The following PDE3A variants were observed in gnomAD, a reference collection of about 807,000 sequenced individuals.
PDE3A encodes cGMP-inhibited 3',5'-cyclic phosphodiesterase 3A.
PDE3A carries 43 observed loss-of-function variants against 98.3 expected under a neutral mutation model. The observed-to-expected ratio is 0.44, with a 90% confidence interval of 0.34 to 0.56. The LOEUF (loss-of-function observed/expected upper bound fraction) is 0.56, where lower values mean the gene tolerates loss of function less well. Among genes scored for constraint, PDE3A ranks in the 20% least tolerant of loss-of-function variants. PDE3A has a pLI of 0.01. For synonymous variants in PDE3A, 663 were observed against 567.9 expected, an observed-to-expected ratio of 1.17 and a Z score of -2.38; for missense variants, 1,427 against 1,440.7, an observed-to-expected ratio of 0.99 and a Z score of 0.15.
At chr12:20,410,278 G>A (rs142785003) in intron 1 of PDE3A, among the ~76,000 whole-genome samples, 2 of 152,150 alleles carry the variant, frequency 1.3e-5, no homozygotes, top group Non-Finnish European at 2.9e-5. Flanking sequence ...TCAATTGTAC[G>A]TCCCCAAGCT....
intron 1 of PDE3A, among the ~76,000 whole-genome samples, chr12:20,509,703 G>A (rs902932485): frequency 6.6e-6 from 1 of 151,908 alleles, no homozygotes; most frequent in Non-Finnish European, 1.5e-5. Context: ...ATATTTTAAT[G>A]TTTTCCTTCC....
At chr12:20,457,839 C>T (rs532921556) in intron 1 of PDE3A, among the ~76,000 whole-genome samples, 10 of 151,956 alleles carry the variant, frequency 6.6e-5, no homozygotes, top group African/African-American at 1.9e-4. Context: ...AATTAATTAA[C>T]GTGTCACATA....
chr12:20,666,363 A>G (rs1945311981), intron 15 of PDE3A, among the ~76,000 whole-genome samples: 1 of 152,154 alleles, frequency 6.6e-6, no homozygotes, highest in Non-Finnish European at 1.5e-5. Context: ...TCTGCTATCG[A>G]AGAACTTATT....
intron 1 of PDE3A, among the ~76,000 whole-genome samples, chr12:20,386,112 AAT>A (rs35742238): frequency 4.3e-5 from 1 of 23,236 alleles, no homozygotes; most frequent in African/African-American, 1.2e-4. Flanking sequence ...TATATATATA[AAT>A]ATATATAAAT....
chr12:20,402,821 G>C (rs1019132685), intron 1 of PDE3A, among the ~76,000 whole-genome samples: 3 of 152,082 alleles, frequency 2.0e-5, no homozygotes, highest in Non-Finnish European at 4.4e-5. Flanking sequence ...CCCTTCAGAG[G>C]CACAGGATTA....
intron 1 of PDE3A, among the ~76,000 whole-genome samples, chr12:20,466,895 T>C (rs1945349016): frequency 6.6e-6 from 1 of 152,236 alleles, no homozygotes; most frequent in South Asian, 2.1e-4. Context: ...ATCTTCAGTG[T>C]GTGCTTAAGT....
At chr12:20,517,470 G>GT (rs2121137617) in intron 1 of PDE3A, among the ~76,000 whole-genome samples, 1 of 152,238 alleles carries the variant, frequency 6.6e-6, no homozygotes, top group Non-Finnish European at 1.5e-5. Flanking sequence ...TATTCAGAAT[G>GT]TTTTTTCTCC....
chr12:20,422,092 A>G (rs1944523104), intron 1 of PDE3A, among the ~76,000 whole-genome samples: 1 of 152,210 alleles, frequency 6.6e-6, no homozygotes, highest in African/African-American at 2.4e-5. Flanking sequence ...CACGCCTGTA[A>G]TCCTAGCACT....
intron 1 of PDE3A, among the ~76,000 whole-genome samples, chr12:20,466,760 A>G (rs545088002): frequency 2.8e-4 from 42 of 152,328 alleles, no homozygotes; most frequent in African/African-American, 9.9e-4. Flanking sequence ...TGTGTGTGAT[A>G]GACGAAGTTT....
chr12:20,654,252 TCTTA>T (rs759476285), intron 15 of PDE3A, 47 bp downstream of exon 15: 318 of 1,571,956 alleles, frequency 2.0e-4, no homozygotes, highest in Non-Finnish European at 2.6e-4. Context: ...GGGATTGCTT[TCTTA>T]CTTTAGATGA....
At chr12:20,678,934 C>G in intron 15 of PDE3A, among the ~76,000 whole-genome samples, 1 of 151,552 alleles carries the variant, frequency 6.6e-6, no homozygotes, top group Non-Finnish European at 1.5e-5. Context: ...TGATTTTGGA[C>G]GCACAGTTAC....
At chr12:20,519,967 T>A (rs912178422) in intron 1 of PDE3A, among the ~76,000 whole-genome samples, 2 of 152,172 alleles carry the variant, frequency 1.3e-5, no homozygotes, top group Non-Finnish European at 2.9e-5. Flanking sequence ...ATGTCCTTAA[T>A]CCTCATTTCA....
rs79738864 is a variant in PDE3A, at chr12:20,512,254, G to C, written c.961-44406G>C. ...TGTTAATAACAGAAAAGTGAAGGGGGCTAGTGGAGGGGGCACAGTATAAGA... is the reference window on the plus strand; with the variant it reads ...TGTTAATAACAGAAAAGTGAAGGGGCCTAGTGGAGGGGGCACAGTATAAGA... On this transcript the variant is annotated intron_variant, in intron 1 of 15. Coordinates refer to ENST00000359062, the MANE Select transcript of PDE3A (RefSeq NM_000921.5). 5.4e-3 allele frequency among the ~76,000 whole-genome samples: 828 copies of C among 152,064 alleles called. 8 individuals are homozygous for C. The highest frequency in any genetic ancestry group is 0.019 in the African/African-American group (783 of 41,524).
At chr12:20,376,975 A>C (rs759248909) in intron 1 of PDE3A, among the ~76,000 whole-genome samples, 19 of 151,980 alleles carry the variant, frequency 1.3e-4, no homozygotes, top group Admixed American at 3.3e-4. Context: ...AGTCCTGCTA[A>C]CATAATAATA....
At chr12:20,669,330 A>C (rs1945406593) in intron 15 of PDE3A, among the ~76,000 whole-genome samples, 1 of 152,112 alleles carries the variant, frequency 6.6e-6, no homozygotes, top group African/African-American at 2.4e-5. Context: ...CAACGTTCAG[A>C]TTCAGGAAAT....
chr12:20,529,745 A>G (rs1190439332), intron 1 of PDE3A, among the ~76,000 whole-genome samples: 1 of 152,124 alleles, frequency 6.6e-6, no homozygotes, highest in Non-Finnish European at 1.5e-5. Flanking sequence ...TCCAGCCTCT[A>G]GAACTGTGAG....
intron 5 of PDE3A, among the ~76,000 whole-genome samples, chr12:20,627,567 C>G (rs371541469): frequency 6.6e-6 from 1 of 151,846 alleles, no homozygotes; most frequent in Non-Finnish European, 1.5e-5. Flanking sequence ...TTTTACCCAC[C>G]CCCACCCTTT....
intron 1 of PDE3A, among the ~76,000 whole-genome samples, chr12:20,417,044 G>A (rs915469594): frequency 2.0e-5 from 3 of 152,094 alleles, no homozygotes; most frequent in Non-Finnish European, 4.4e-5. Context: ...TAACCAAAAT[G>A]TACATAATGT....
intron 2 of PDE3A, among the ~76,000 whole-genome samples, chr12:20,605,592 A>G (rs1429451757): frequency 6.6e-6 from 1 of 152,186 alleles, no homozygotes; most frequent in Non-Finnish European, 1.5e-5. Flanking sequence ...GATCCCGCCC[A>G]GTTCTCTGAT....
Sources: gnomAD v4.1 joint callset for allele counts (sites outside exome capture counted in the v4.1 genomes callset) on GRCh38, gnomAD v4.1.1 for gene constraint, MANE v1.5 for transcripts, NCBI Gene and HGNC (gene_info 2026-07-23, HGNC 2026-07-21) for gene names.